DGKZ: variants seen among roughly 807,000 people sequenced by gnomAD.
DGKZ encodes diacylglycerol kinase zeta.
A neutral mutation model predicts 142.5 loss-of-function variants in DGKZ; 45 were observed. The observed-to-expected ratio is 0.32, with a 90% confidence interval of 0.25 to 0.40. The LOEUF is 0.40. Among genes scored for constraint, DGKZ ranks in the 10% least tolerant of loss-of-function variants. The pLI is 1.00. For synonymous variants in DGKZ, 442 were observed against 527.0 expected, an observed-to-expected ratio of 0.84 and a Z score of 2.21; for missense variants, 755 against 1,306.5, an observed-to-expected ratio of 0.58 and a Z score of 6.51.
intron 14 of DGKZ, among the ~76,000 whole-genome samples, chr11:46,373,600 C>A (rs1944230053): frequency 6.6e-6 from 1 of 151,716 alleles, no homozygotes; most frequent in Non-Finnish European, 1.5e-5. Flanking sequence ...CGGGCTCAAG[C>A]TATTCTCCTC....
chr11:46,379,545 T>A (rs779535019), exon 30 of DGKZ: 2 of 1,610,622 alleles, frequency 1.2e-6, no homozygotes, highest in Non-Finnish European at 1.7e-6. Context: ...GGCCGGGGCC[T>A]CGCTCATGAA....
chr11:46,371,195 C>G, intron 6 of DGKZ, 118 bp from the exon 7 acceptor site: 1 of 975,598 alleles, frequency 1.0e-6, no homozygotes, highest in Non-Finnish European at 1.6e-6. Context: ...AGTTTGAGAC[C>G]AGCCTGGGCA....
At chr11:46,365,436 A>G in intron 1 of DGKZ, 1 of 985,354 alleles carries the variant, frequency 1.0e-6, no homozygotes, top group South Asian at 4.7e-5. Flanking sequence ...ACAGGCACGC[A>G]CACACCCAGA....
At chr11:46,370,129 C>G in intron 6 of DGKZ, 120 bp downstream of exon 6, 3 of 1,270,386 alleles carry the variant, frequency 2.4e-6, no homozygotes, top group Non-Finnish European at 3.4e-6. Flanking sequence ...CGGGGCTGAC[C>G]CTCAGCCTGG....
chr11:46,335,840 A>G (rs1279200216), intron 1 of DGKZ, among the ~76,000 whole-genome samples: 1 of 152,184 alleles, frequency 6.6e-6, no homozygotes, highest in East Asian at 1.9e-4. Flanking sequence ...GTGCTCTCCA[A>G]CTAAGCCCTC....
At chr11:46,366,562 G>T in intron 1 of DGKZ, 1 of 1,603,732 alleles carries the variant, frequency 6.2e-7, no homozygotes. Context: ...TGGGGGCCCA[G>T]CTTCTGGGTG....
At chr11:46,379,596 C>G (rs1445460342) in intron 30 of DGKZ, 28 bp downstream of exon 30, 7 of 1,571,920 alleles carry the variant, frequency 4.5e-6, no homozygotes, top group Non-Finnish European at 4.3e-6. Context: ...AGGGAGCCCA[C>G]GAGGGCACCA....
At chr11:46,370,587 A>C (rs1461597976) in intron 6 of DGKZ, among the ~76,000 whole-genome samples, 1 of 152,100 alleles carries the variant, frequency 6.6e-6, no homozygotes, top group African/African-American at 2.4e-5. Context: ...AGCGGCAGTA[A>C]ATTTCTTTAA....
chr11:46,366,333 TG>T, intron 1 of DGKZ: 2 of 1,563,096 alleles, frequency 1.3e-6, no homozygotes, highest in South Asian at 1.2e-5. Context: ...CCCAGCAGCG[TG>T]GGGCTGCCCA....
rs1027849005 is a variant in DGKZ, at chr11:46,372,337, C to T, written c.928-91C>T. On this transcript the variant is annotated intron_variant, in intron 10 of 30. Coordinates refer to ENST00000527911, the Ensembl canonical transcript of DGKZ. This position sits in a 1 kb window ranked among gnomAD's most constrained non-coding sequence, Gnocchi z 5.9. ...TCTCCACCCCTCACCCCTTATTGGCCCTGGTTCCCACAGTCACACCCCTCT... is the reference window on the plus strand; with the variant it reads ...TCTCCACCCCTCACCCCTTATTGGCTCTGGTTCCCACAGTCACACCCCTCT... The T allele has an allele frequency of 6.2e-6, 9 of 1,459,090 alleles. No homozygotes were observed. The highest frequency in any genetic ancestry group is 3.5e-5 in the Admixed American group (2 of 57,624). 90.4% of individuals were successfully genotyped at this position (1,459,090 alleles called of 1,614,324 possible).
Position 46,367,551 on chromosome 11 carries a change from G to A in DGKZ, c.271-101G>A, listed in dbSNP as rs1565049675. On this transcript the variant is annotated intron_variant, in intron 2 of 30. Transcript: ENST00000527911. This position sits in a 1 kb window ranked among gnomAD's most constrained non-coding sequence, Gnocchi z 4.1. ...GGAACAGAGCAGGGTCGATCGGGGC[G>A]CTGGAGTGGGTTTGTCTTGGGAGAG... The A allele has an allele frequency of 7.2e-6, 9 of 1,251,112 alleles. No homozygotes were observed. The highest frequency in any genetic ancestry group is 6.1e-5 in the African/African-American group (4 of 65,956). The allele number at this position is 1,251,112 out of a possible 1,614,324, so 77.5% of individuals were successfully genotyped here. A position where few individuals can be genotyped will look rare whatever the true frequency, so the allele number is the denominator to read the frequency against.
chr11:46,347,696 A>T lies in DGKZ; in HGVS notation c.37A>T (p.Ser13Cys), dbSNP rs1006344378. The T allele has an allele frequency of 3.4e-5, 50 of 1,456,476 alleles. No individual in the cohort carries two copies. Among genetic ancestry groups the T allele is most frequent in the Admixed American group, 9.9e-5 (4 of 40,370 alleles). The allele number at this position is 1,456,476 out of a possible 1,614,324, so 90.2% of individuals were successfully genotyped here. The change falls in exon 1 of 31, where the codon AGC becomes TGC. Residue 13 changes from serine to cysteine, a missense_variant. Ser to Cys is a moderately radical substitution (Grantham distance 112, BLOSUM62 -1). Coordinates refer to ENST00000527911, the Ensembl canonical transcript of DGKZ. The surrounding 1 kb of genome is among the most constrained non-coding windows in gnomAD (Gnocchi z 6.4). ...GGACGGTAGCCCCGAGGCCCGGAGC[A>T]GCGACTCCGAGTCGGCTTCCGCCTC...
rs78461593 is a variant in DGKZ at position 46,372,271 on chromosome 11, C to T, written c.927+101C>T. ...CAGAGCCCGTTTCTGGCTTCTACCC[C>T]AATCCCTCTTTCCCAGGGATCCTGA... On this transcript the variant is annotated intron_variant, in intron 10 of 30. Transcript: ENST00000527911. The surrounding 1 kb of genome is among the most constrained non-coding windows in gnomAD (Gnocchi z 5.9). 3.6e-4 allele frequency: 487 copies of T among 1,352,748 alleles called. 2 individuals are homozygous for T. In the African/African-American group the frequency reaches 6.4e-3, roughly 18 times the overall value. The allele number at this position is 1,352,748 out of a possible 1,614,324, so 83.8% of individuals were successfully genotyped here.
At chr11:46,335,687 G>A (rs930882191) in intron 1 of DGKZ, among the ~76,000 whole-genome samples, 2 of 152,208 alleles carry the variant, frequency 1.3e-5, no homozygotes, top group Non-Finnish European at 2.9e-5. Flanking sequence ...TCACTCCCTG[G>A]GGTTAGTCTA....
intron 27 of DGKZ, 102 bp downstream of exon 27, chr11:46,378,602 C>A: frequency 6.8e-7 from 1 of 1,476,184 alleles, no homozygotes; most frequent in Non-Finnish European, 9.4e-7. Context: ...CAGGTGCTGT[C>A]ATCTGTCATC....
chr11:46,339,446 C>T (rs11820348), intron 1 of DGKZ, among the ~76,000 whole-genome samples: 15,143 of 152,158 alleles, frequency 0.1, 2,483 homozygotes, highest in African/African-American at 0.34. Flanking sequence ...GGGCCCAGGC[C>T]CAGCCCGGAA....
At chr11:46,333,611 C>A in intron 1 of DGKZ, 1 of 866,624 alleles carries the variant, frequency 1.2e-6, no homozygotes, top group South Asian at 1.5e-5. Context: ...AGATGACTGC[C>A]GAGGGATCTC....
chr11:46,377,266 G>A (rs1944658817), intron 25 of DGKZ, 54 bp downstream of exon 25: 22 of 1,527,312 alleles, frequency 1.4e-5, no homozygotes, highest in Non-Finnish European at 1.9e-5. Context: ...CCACCTGTAA[G>A]CCGATGACTT....
intron 1 of DGKZ, chr11:46,366,796 G>T (rs1344143043): frequency 6.5e-7 from 1 of 1,547,550 alleles, no homozygotes; most frequent in South Asian, 1.2e-5. Context: ...TCTGGGGCCT[G>T]CACGGCTACT....
Sources: gnomAD v4.1 joint callset for allele counts (sites outside exome capture counted in the v4.1 genomes callset) on GRCh38, gnomAD v4.1.1 for gene constraint, Gnocchi (gnomAD v3.1) non-coding constraint, MANE v1.5 for transcripts, NCBI Gene and HGNC (gene_info 2026-07-23, HGNC 2026-07-21) for gene names.